The following ZNF704 variants were observed in gnomAD, a reference collection of about 807,000 sequenced individuals.
ZNF704 encodes the protein zinc finger protein 704.
In ZNF704, 10 loss-of-function variants were observed where a neutral mutation model predicts 44.7. The ratio of observed to expected loss-of-function variants is 0.22; its 90% CI spans 0.14 to 0.38. The LOEUF is 0.38. ZNF704 is among the 10% of genes least tolerant of loss of function. The probability of loss-of-function intolerance (pLI) is 1.00; values close to 1 mark genes in which losing one functional copy is unlikely to be tolerated. For missense variants in ZNF704, 390 were observed against 545.5 expected, an observed-to-expected ratio of 0.71 and a Z score of 2.84; for synonymous variants, 211 against 207.6, an observed-to-expected ratio of 1.02 and a Z score of -0.14.
At chr8:80,810,550 T>C (rs1352656107) in intron 2 of ZNF704, among the ~76,000 whole-genome samples, 1 of 152,226 alleles carries the variant, frequency 6.6e-6, no homozygotes, top group Non-Finnish European at 1.5e-5. Context: ...GTATGTTTAC[T>C]TGGTATGTTT....
rs911751859 is a variant in ZNF704 at position 80,796,194 on chromosome 8, G to A, written c.221+25180C>T. Among the ~76,000 whole-genome samples, 4 of 152,218 alleles carry A rather than the reference G, an allele frequency of 2.6e-5. No individual in the cohort carries two copies. In the South Asian group the frequency reaches 6.2e-4, roughly 24 times the overall value. ...AGAGGCTGAGAAGTCTAAGGTTGAA[G>A]AGCCACATCTGGTGACAGCCTTATT... On this transcript the variant is annotated intron_variant, in intron 2 of 8. Transcript: ENST00000327835.
intron 5 of ZNF704, among the ~76,000 whole-genome samples, chr8:80,666,473 T>C (rs1375733235): frequency 1.4e-5 from 2 of 147,674 alleles, no homozygotes; most frequent in Admixed American, 6.8e-5. Flanking sequence ...CATTTGGGTA[T>C]ATACCCAGTA....
chr8:80,681,638 G>C (rs779786527), intron 4 of ZNF704, among the ~76,000 whole-genome samples: 9 of 152,092 alleles, frequency 5.9e-5, no homozygotes, highest in Admixed American at 3.3e-4. Flanking sequence ...TAATAAAGTT[G>C]ATTTTAAATG....
At chr8:80,840,992 G>C (rs1273992753) in intron 1 of ZNF704, among the ~76,000 whole-genome samples, 4 of 152,154 alleles carry the variant, frequency 2.6e-5, no homozygotes, top group Non-Finnish European at 5.9e-5. Context: ...GAAGCCTGGA[G>C]AATCAGGCTG....
rs1000977742 is a variant in ZNF704, at chr8:80,670,592, C to T, written c.570G>A (p.Lys190=). 6.2e-7 allele frequency: 1 copy of T among 1,612,312 alleles called. No individual in the cohort carries two copies. Among genetic ancestry groups the T allele is most frequent in the African/African-American group, 1.3e-5 (1 of 74,894 alleles). The change falls in exon 5 of 9, where the codon AAG becomes AAA. Residue 190 remains lysine (K), a synonymous_variant. Transcript: ENST00000327835. ...PIPRKRKNSM[K]VMFKCLWKNC... The stretch of plus-strand genomic sequence containing the variant: ...TTTTCCAGAGGCATTTGAACATCAC[C>T]TTCATGGAATTCTGTAAAGGGGAGA...
chr8:80,656,048 A>C (rs1317441080), intron 7 of ZNF704, among the ~76,000 whole-genome samples: 1 of 152,174 alleles, frequency 6.6e-6, no homozygotes, highest in Non-Finnish European at 1.5e-5. Flanking sequence ...GCCTTTAAGG[A>C]GGTCATAAGG....
At chr8:80,739,580 A>T (rs1440677759) in intron 2 of ZNF704, among the ~76,000 whole-genome samples, 1 of 152,208 alleles carries the variant, frequency 6.6e-6, no homozygotes, top group Non-Finnish European at 1.5e-5. Context: ...GTCTTCTAGC[A>T]AGAAAGTATG....
intron 2 of ZNF704, among the ~76,000 whole-genome samples, chr8:80,728,638 A>G (rs1806524740): frequency 6.6e-6 from 1 of 152,218 alleles, no homozygotes; most frequent in African/African-American, 2.4e-5. Context: ...AAACCAAAGA[A>G]GTGAAGTAAC....
At chr8:80,642,996 CT>C in intron 8 of ZNF704, 38 bp downstream of exon 8, 1 of 1,386,358 alleles carries the variant, frequency 7.2e-7, no homozygotes. Context: ...AGTTAATTCC[CT>C]TGTGGTGAGG....
chr8:80,665,010 G>A lies in ZNF704; in HGVS notation c.732C>T (p.Asp244=). The A allele has an allele frequency of 6.2e-7, 1 of 1,614,232 alleles. No homozygotes were observed. The highest frequency in any genetic ancestry group is 2.2e-5 in the East Asian group (1 of 44,890). Residue 244 remains aspartate, a synonymous_variant, in exon 6 of 9, where the codon GAC becomes GAT. Transcript: ENST00000327835. ...GGCTGCTCAGCCCGTCTGCCACTGA[G>A]TCTGTGTTGAGCTTGATCTCAGTGT... ...FYYTEIKLNT[D]SVADGLSSLA...
intron 2 of ZNF704, among the ~76,000 whole-genome samples, chr8:80,732,915 C>T (rs1051533494): frequency 1.4e-4 from 20 of 144,254 alleles, no homozygotes; most frequent in Non-Finnish European, 2.8e-4. Flanking sequence ...GATTGCACCA[C>T]TGCACTCCGG....
chr8:80,674,109 G>A (rs977002943), intron 4 of ZNF704, among the ~76,000 whole-genome samples: 13 of 152,198 alleles, frequency 8.5e-5, no homozygotes, highest in African/African-American at 2.7e-4. Flanking sequence ...GAGACTTTAA[G>A]TACATGATCC....
chr8:80,859,867 G>C (rs747625638), intron 1 of ZNF704, among the ~76,000 whole-genome samples: 19 of 152,218 alleles, frequency 1.2e-4, no homozygotes, highest in Non-Finnish European at 2.5e-4. Flanking sequence ...AATGAAAACA[G>C]TGAGAATGAG....
At chr8:80,790,741 C>T (rs1807690433) in intron 2 of ZNF704, among the ~76,000 whole-genome samples, 1 of 151,782 alleles carries the variant, frequency 6.6e-6, no homozygotes, top group South Asian at 2.1e-4. Context: ...GCAGAGTGGG[C>T]AATCTGAGGG....
intron 2 of ZNF704, among the ~76,000 whole-genome samples, chr8:80,799,471 T>C (rs993788654): frequency 2.6e-5 from 4 of 152,064 alleles, no homozygotes; most frequent in African/African-American, 9.7e-5. Context: ...CTGATACAAG[T>C]GCCCAAAATA....
chr8:80,801,032 C>T (rs545296422), intron 2 of ZNF704, among the ~76,000 whole-genome samples: 10 of 152,232 alleles, frequency 6.6e-5, no homozygotes, highest in Admixed American at 2.0e-4. Flanking sequence ...ACAAAACACA[C>T]TTTAAACCAA....
intron 2 of ZNF704, among the ~76,000 whole-genome samples, chr8:80,727,855 C>T (rs1051062799): frequency 6.6e-6 from 1 of 152,084 alleles, no homozygotes; most frequent in Non-Finnish European, 1.5e-5. Flanking sequence ...TCAAGGGTGT[C>T]GTGGGAAACA....
At chr8:80,827,033 C>T (rs943975314) in intron 1 of ZNF704, among the ~76,000 whole-genome samples, 2 of 152,188 alleles carry the variant, frequency 1.3e-5, no homozygotes, top group African/African-American at 4.8e-5. Context: ...GATGCCCTCT[C>T]TCTCCACTCC....
intron 2 of ZNF704, among the ~76,000 whole-genome samples, chr8:80,788,842 T>C (rs139189367): frequency 9.9e-5 from 15 of 152,266 alleles, no homozygotes; most frequent in African/African-American, 3.1e-4. Flanking sequence ...CTGATAAAAA[T>C]TGTGTTGCGT....
Sources: gnomAD v4.1 joint callset for allele counts (sites outside exome capture counted in the v4.1 genomes callset) on GRCh38, gnomAD v4.1.1 for gene constraint, MANE v1.5 for transcripts, NCBI Gene and HGNC (gene_info 2026-07-23, HGNC 2026-07-21) for gene names.